Variants in PCDH9 observed in about 807,000 individuals in gnomAD.
PCDH9 encodes protocadherin 9.
PCDH9 carries 24 observed loss-of-function variants against 70.6 expected under a neutral mutation model. The ratio of observed to expected loss-of-function variants is 0.34; its 90% confidence interval spans 0.25 to 0.48. The LOEUF is 0.48. Ranked by LOEUF, PCDH9 falls within the 20% of genes least tolerant of loss-of-function variation. PCDH9 has a pLI of 0.99. For missense variants in PCDH9, 1,281 were observed against 1,503.6 expected, an observed-to-expected ratio of 0.85 and a Z score of 2.45; for synonymous variants, 562 against 558.5, an observed-to-expected ratio of 1.01 and a Z score of -0.09.
intron 3 of PCDH9, among the ~76,000 whole-genome samples, chr13:66,654,360 T>C (rs1359625149): frequency 2.6e-5 from 4 of 151,850 alleles, no homozygotes; most frequent in Non-Finnish European, 5.9e-5. Flanking sequence ...GGTTAATGGG[T>C]ACAAAAATAT....
intron 2 of PCDH9, among the ~76,000 whole-genome samples, chr13:67,074,611 A>C (rs1385944595): frequency 6.6e-6 from 1 of 152,142 alleles, no homozygotes; most frequent in Non-Finnish European, 1.5e-5. Context: ...ACCACTCAAG[A>C]AGTTGTTTCA....
chr13:66,489,593 T>C (rs774186004), intron 4 of PCDH9, among the ~76,000 whole-genome samples: 1 of 152,190 alleles, frequency 6.6e-6, no homozygotes, highest in African/African-American at 2.4e-5. Flanking sequence ...ATTACAGGCA[T>C]GAGCCACCTT....
intron 4 of PCDH9, among the ~76,000 whole-genome samples, chr13:66,316,426 G>A (rs1212556944): frequency 2.0e-5 from 3 of 152,068 alleles, no homozygotes; most frequent in Non-Finnish European, 4.4e-5. Context: ...CCTTTCCATG[G>A]CCTAGAGAGC....
intron 4 of PCDH9, among the ~76,000 whole-genome samples, chr13:66,340,128 A>G (rs1478247210): frequency 2.0e-5 from 3 of 152,204 alleles, no homozygotes; most frequent in Non-Finnish European, 4.4e-5. Flanking sequence ...ATTCAAGTAA[A>G]TAAATAATGT....
chr13:66,485,266 AT>A (rs2138518496), intron 4 of PCDH9, among the ~76,000 whole-genome samples: 1 of 152,320 alleles, frequency 6.6e-6, no homozygotes, highest in South Asian at 2.1e-4. Flanking sequence ...ATCAAGGATA[AT>A]TTCCTTCACA....
rs181800123 is a variant in PCDH9 at position 66,415,681 on chromosome 13, T to C, written c.3341-110653A>G. 7.4e-4 allele frequency among the ~76,000 whole-genome samples: 112 copies of C among 152,264 alleles called. 1 individual carries two copies. The highest frequency in any genetic ancestry group is 1.3e-3 in the Non-Finnish European group (86 of 68,012). On this transcript the variant is annotated intron_variant, in intron 4 of 4. Transcript: ENST00000377865. ...CACTCAACAGAAATAATGAAAGATA[T>C]TTATCTCAAAGGCAGATAGGTAAGA...
At chr13:66,533,997 GT>G (rs1169077169) in intron 4 of PCDH9, among the ~76,000 whole-genome samples, 1 of 152,034 alleles carries the variant, frequency 6.6e-6, no homozygotes, top group East Asian at 1.9e-4. Flanking sequence ...CACTTCCTTT[GT>G]TTTTATTCCA....
At chr13:67,094,098 G>A (rs977710117) in intron 2 of PCDH9, among the ~76,000 whole-genome samples, 1 of 152,060 alleles carries the variant, frequency 6.6e-6, no homozygotes, top group African/African-American at 2.4e-5. Flanking sequence ...TAGGAAATTG[G>A]AGATGTATTA....
chr13:66,306,270 G>A (rs753771994), intron 4 of PCDH9: 1 of 151,176 alleles, frequency 6.6e-6, no homozygotes, highest in Non-Finnish European at 1.5e-5. Flanking sequence ...ATTTTTAAAC[G>A]TCCAATAATT....
At chr13:66,628,685 G>T (rs1187773713) in intron 4 of PCDH9, among the ~76,000 whole-genome samples, 1 of 152,146 alleles carries the variant, frequency 6.6e-6, no homozygotes, top group Non-Finnish European at 1.5e-5. Context: ...ATTTAAGTGA[G>T]CCTTTGCACA....
chr13:67,065,003 C>T (rs963736611), intron 2 of PCDH9, among the ~76,000 whole-genome samples: 1 of 151,760 alleles, frequency 6.6e-6, no homozygotes, highest in Non-Finnish European at 1.5e-5. Context: ...CCTGAATGAA[C>T]CTAAGGGATT....
intron 4 of PCDH9, among the ~76,000 whole-genome samples, chr13:66,351,686 G>A (rs1374092617): frequency 6.6e-6 from 1 of 151,636 alleles, no homozygotes; most frequent in East Asian, 2.0e-4. Context: ...ATTTTGAAGA[G>A]ACTGACATGC....
chr13:66,566,160 G>A (rs1050942176), intron 4 of PCDH9, among the ~76,000 whole-genome samples: 1 of 152,166 alleles, frequency 6.6e-6, no homozygotes, highest in Non-Finnish European at 1.5e-5. Context: ...TCAATTGGAA[G>A]CTATTTGACT....
At chr13:66,791,999 T>C (rs2080171076) in intron 3 of PCDH9, among the ~76,000 whole-genome samples, 1 of 152,176 alleles carries the variant, frequency 6.6e-6, no homozygotes. Flanking sequence ...ATAATAAAAA[T>C]CAATAATATC....
intron 4 of PCDH9, among the ~76,000 whole-genome samples, chr13:66,311,336 T>TTCTC (rs1166153854): frequency 7.1e-6 from 1 of 140,840 alleles, no homozygotes; most frequent in Non-Finnish European, 1.5e-5. Flanking sequence ...CCCTCAATTT[T>TTCTC]TCTCTCTCTC....
chr13:66,380,509 A>G (rs1956826747), intron 4 of PCDH9, among the ~76,000 whole-genome samples: 1 of 150,548 alleles, frequency 6.6e-6, no homozygotes, highest in Non-Finnish European at 1.5e-5. Flanking sequence ...ATGCCGGAAG[A>G]AAAAAAAATA....
intron 3 of PCDH9, among the ~76,000 whole-genome samples, chr13:66,845,039 T>C (rs542387769): frequency 3.3e-5 from 5 of 152,188 alleles, no homozygotes; most frequent in African/African-American, 1.2e-4. Flanking sequence ...GACTCGTCCA[T>C]AGGCAGCCAT....
At chr13:67,008,792 A>G (rs1339037360) in intron 2 of PCDH9, among the ~76,000 whole-genome samples, 1 of 152,108 alleles carries the variant, frequency 6.6e-6, no homozygotes, top group African/African-American at 2.4e-5. Flanking sequence ...AATGTAAGAG[A>G]ATCATCACTT....
At chr13:66,723,026 C>G (rs73200947) in intron 3 of PCDH9, among the ~76,000 whole-genome samples, 3 of 150,662 alleles carry the variant, frequency 2.0e-5, no homozygotes, top group African/African-American at 7.3e-5. Flanking sequence ...TTGTGACATG[C>G]AAATTCCTAA....
Sources: gnomAD v4.1 joint callset for allele counts (sites outside exome capture counted in the v4.1 genomes callset) on GRCh38, gnomAD v4.1.1 for gene constraint, MANE v1.5 for transcripts, NCBI Gene and HGNC (gene_info 2026-07-23, HGNC 2026-07-21) for gene names.